Variants in LHFPL6 observed in about 807,000 individuals in gnomAD.
The protein encoded by LHFPL6 is LHFPL tetraspan subfamily member 6 protein.
In LHFPL6, 9 loss-of-function variants were observed where a neutral mutation model predicts 20.6. That is an observed-to-expected ratio of 0.44 (90% CI 0.26 to 0.76). The LOEUF (loss-of-function observed/expected upper bound fraction) is 0.76, where lower values mean the gene tolerates loss of function less well. Ranked by LOEUF, LHFPL6 falls within the 30% of genes least tolerant of loss-of-function variation. The pLI is 0.20. For synonymous variants in LHFPL6, 105 were observed against 98.7 expected (o/e 1.06, Z -0.38); for missense variants, 218 against 253.5 (o/e 0.86, Z 0.95).
intron 2 of LHFPL6, among the ~76,000 whole-genome samples, chr13:39,462,401 T>A (rs73175140): frequency 0.094 from 14,300 of 152,258 alleles, 1,274 homozygotes; most frequent in East Asian, 0.51. Flanking sequence ...ATGTGTGTGT[T>A]ACTGTATCTC....
chr13:39,562,622 A>C (rs1351343350), intron 2 of LHFPL6, among the ~76,000 whole-genome samples: 1 of 96,476 alleles, frequency 1.0e-5, no homozygotes, highest in Non-Finnish European at 2.1e-5. Flanking sequence ...ATACACATAT[A>C]TACACACATA....
intron 2 of LHFPL6, among the ~76,000 whole-genome samples, chr13:39,468,548 A>G (rs1298854956): frequency 1.3e-5 from 2 of 152,284 alleles, no homozygotes; most frequent in East Asian, 1.9e-4. Context: ...CATTTCTGTC[A>G]GTGGCATAAT....
At chr13:39,553,977 T>C (rs957495416) in intron 2 of LHFPL6, among the ~76,000 whole-genome samples, 4 of 152,320 alleles carry the variant, frequency 2.6e-5, no homozygotes, top group Admixed American at 1.3e-4. Context: ...GCTTAATTAA[T>C]ATATGGTTGT....
intron 3 of LHFPL6, among the ~76,000 whole-genome samples, chr13:39,365,421 C>T (rs1225071998): frequency 6.6e-6 from 1 of 152,158 alleles, no homozygotes; most frequent in African/African-American, 2.4e-5. Context: ...TAGCTGCCCT[C>T]AATCTAAAAG....
rs200285251 is a variant in LHFPL6 at position 39,412,301 on chromosome 13, G to GA, written c.386-33776dup. Among the ~76,000 whole-genome samples, 1,070 of 152,234 alleles carry GA rather than the reference G, an allele frequency of 7.0e-3. 13 individuals carry two copies. Among genetic ancestry groups the GA allele is most frequent in the African/African-American group, 0.025 (1,030 of 41,552 alleles). ...TGCACTTTATTTGAAGAACATTTGAGAAAAAAATTGTATTGGGGAATTAGC... is the reference window on the plus strand; with the variant it reads ...TGCACTTTATTTGAAGAACATTTGAGAAAAAAAATTGTATTGGGGAATTAGC... On this transcript the variant is annotated intron_variant, in intron 2 of 3. Coordinates refer to ENST00000379589, the MANE Select transcript of LHFPL6 (RefSeq NM_005780.3).
Position 39,363,147 on chromosome 13 carries a change from T to A in LHFPL6, c.484+15281A>T, listed in dbSNP as rs1186998714. ...AGAAAGACTATTTGTGCAATCAAAG[T>A]CATCCCCAGGCAGCTCCAGCTGTGA... is the stretch of plus-strand genomic sequence containing the variant. On this transcript the variant is annotated intron_variant, in intron 3 of 3. Transcript: ENST00000379589. Among the ~76,000 whole-genome samples, 6 of 152,328 alleles carry A rather than the reference T, an allele frequency of 3.9e-5. No individual in the cohort carries two copies. The East Asian group carries it at 1.2e-3, about 29-fold the overall frequency.
At chr13:39,568,644 T>G (rs1041530487) in intron 2 of LHFPL6, among the ~76,000 whole-genome samples, 1 of 152,236 alleles carries the variant, frequency 6.6e-6, no homozygotes, top group African/African-American at 2.4e-5. Flanking sequence ...TGTTTTTATA[T>G]GTATTTACAT....
chr13:39,379,704 T>A (rs560191050), intron 2 of LHFPL6, among the ~76,000 whole-genome samples: 3 of 152,308 alleles, frequency 2.0e-5, no homozygotes, highest in Non-Finnish European at 4.4e-5. Context: ...AGCTAGCTAC[T>A]TTCCATCCCT....
intron 2 of LHFPL6, among the ~76,000 whole-genome samples, chr13:39,560,113 G>T (rs1182836806): frequency 6.6e-6 from 1 of 152,052 alleles, no homozygotes; most frequent in Non-Finnish European, 1.5e-5. Context: ...CGATCTACCA[G>T]GTCATTTCCT....
chr13:39,566,668 G>C (rs1871726443), intron 2 of LHFPL6, among the ~76,000 whole-genome samples: 1 of 144,720 alleles, frequency 6.9e-6, no homozygotes, highest in East Asian at 2.1e-4. Context: ...AGGAAGTCCA[G>C]GCTGCAGTGA....
chr13:39,436,216 G>A (rs1157160197), intron 2 of LHFPL6, among the ~76,000 whole-genome samples: 6 of 152,022 alleles, frequency 3.9e-5, no homozygotes, highest in Non-Finnish European at 7.4e-5. Context: ...ATATTCTAGA[G>A]GAGTACATGC....
chr13:39,489,264 G>A (rs1868832140), intron 2 of LHFPL6, among the ~76,000 whole-genome samples: 1 of 152,150 alleles, frequency 6.6e-6, no homozygotes, highest in South Asian at 2.1e-4. Context: ...GTTTTGCACA[G>A]CTGATACTTT....
intron 2 of LHFPL6, among the ~76,000 whole-genome samples, chr13:39,562,968 GA>G (rs532830577): frequency 1.3e-5 from 2 of 151,340 alleles, no homozygotes; most frequent in South Asian, 2.1e-4. Context: ...GGTATTCAAA[GA>G]AAAAAAATAT....
At chr13:39,511,544 C>T (rs1164978403) in intron 2 of LHFPL6, among the ~76,000 whole-genome samples, 1 of 151,238 alleles carries the variant, frequency 6.6e-6, no homozygotes, top group Non-Finnish European at 1.5e-5. Context: ...ACAAAGGATT[C>T]AACTAAAGTC....
rs141085931 is a variant in LHFPL6, at chr13:39,571,292, C to T, written c.385+29540G>A. Among the ~76,000 whole-genome samples, 30 of 152,318 alleles carry T rather than the reference C, an allele frequency of 2.0e-4. No homozygotes were observed. The East Asian group carries it at 3.3e-3, about 17-fold the overall frequency. ...TGAGAACTTGTCTTCCTGTTCGATG[C>T]GCTTTCCTCTTATTGATCCCCACCC... On this transcript the variant is annotated intron_variant, in intron 2 of 3. Transcript: ENST00000379589.
intron 2 of LHFPL6, among the ~76,000 whole-genome samples, chr13:39,543,183 A>G (rs1449694740): frequency 6.6e-6 from 1 of 152,230 alleles, no homozygotes; most frequent in Admixed American, 6.5e-5. Flanking sequence ...AGCACTTATC[A>G]GAATTTTATT....
At chr13:39,379,058 C>T (rs9315680) in intron 2 of LHFPL6, among the ~76,000 whole-genome samples, 17,401 of 152,114 alleles carry the variant, frequency 0.11, 1,081 homozygotes, top group East Asian at 0.24. Flanking sequence ...CATTATTAGG[C>T]GATGTGGAGA....
chr13:39,594,418 TATC>T (rs1157594125), intron 2 of LHFPL6, among the ~76,000 whole-genome samples: 1 of 152,156 alleles, frequency 6.6e-6, no homozygotes, highest in East Asian at 1.9e-4. Context: ...CACAATGAGA[TATC>T]ATCTCATACC....
rs187973317 is a variant in LHFPL6, at chr13:39,571,472, C to G, written c.385+29360G>C. The stretch of plus-strand genomic sequence containing the variant: ...CGACCTGACTTCAGGGAGGTGACAG[C>G]CTGACATCAGGGAAGATGACCTGCC... On this transcript the variant is annotated intron_variant, in intron 2 of 3. Transcript: ENST00000379589. 1.3e-3 allele frequency among the ~76,000 whole-genome samples: 193 copies of G among 152,332 alleles called. 3 individuals carry two copies. Among genetic ancestry groups the G allele is most frequent in the Admixed American group, 0.011 (166 of 15,300 alleles).
Sources: gnomAD v4.1 joint callset for allele counts (sites outside exome capture counted in the v4.1 genomes callset) on GRCh38, gnomAD v4.1.1 for gene constraint, MANE v1.5 for transcripts, NCBI Gene and HGNC (gene_info 2026-07-23, HGNC 2026-07-21) for gene names.